The following CDHR5 variants were observed in gnomAD, a reference collection of about 807,000 sequenced individuals.
CDHR5 encodes cadherin-related family member 5.
In CDHR5, 82 loss-of-function variants were observed where a neutral mutation model predicts 69.5. That is an observed-to-expected ratio of 1.18 (90% CI 0.99 to 1.42). The LOEUF is 1.42. CDHR5 is among the 40% of genes most tolerant of loss of function. CDHR5 has a pLI of 0.00. For missense variants in CDHR5, 1,293 were observed against 1,168.9 expected, an observed-to-expected ratio of 1.11 and a Z score of -1.55; for synonymous variants, 601 against 510.2, an observed-to-expected ratio of 1.18 and a Z score of -2.40.
At chr11:618,295 C>T (rs967909426) in intron 13 of CDHR5, among the ~76,000 whole-genome samples, 184 bp from the exon 14 acceptor site, 1 of 152,230 alleles carries the variant, frequency 6.6e-6, no homozygotes, top group Non-Finnish European at 1.5e-5. Context: ...CCTGCCCACC[C>T]CCTCCCCCCC....
At position 618,763 on chromosome 11, in the gene CDHR5, C is replaced by G. The variant is rs576950750; in HGVS notation, c.1796G>C (p.Gly599Ala). Residue 599 changes from glycine (G) to alanine (A), a missense_variant, in exon 13 of 15, where the codon GGG (glycine) becomes GCG (alanine). Physicochemically the swap from Gly to Ala is moderately conservative, Grantham distance 60. Coordinates refer to ENST00000397542, the MANE Select transcript of CDHR5 (RefSeq NM_021924.5). ...TGCCTCTGGGGTCTGTGCTGTGCCC[C>G]CACCGGGTGTGGCTGGTTGGTGGGA... The part of the protein sequence containing the change: ...STSHQPATPG[G>A]GTAQTPEAGT... The G allele has an allele frequency of 1.2e-5, 19 of 1,604,346 alleles. 1 individual carries two copies.
rs749638785 is a variant in CDHR5 at position 617,583 on chromosome 11, C to CA, written c.2305_2306insT (p.Gly769ValfsTer50). 6.2e-7 allele frequency: 1 copy of CA among 1,610,822 alleles called. No individual in the cohort carries two copies. The highest frequency in any genetic ancestry group is 8.5e-7 in the Non-Finnish European group (1 of 1,178,932). On this transcript the variant is annotated frameshift_variant, in exon 15 of 15. Transcript: ENST00000397542. LOFTEE classifies it low-confidence loss of function (END_TRUNC). ...GATGGACCTCACCGCCGTGGGGCTT[C>CA]CGCCAGCTCGGGCCGCTGCGGGGGG...
In CDHR5 at chr11:619,714, A is replaced by G. The variant is rs750520925; in HGVS notation, c.1146T>C (p.Pro382=). Residue 382 remains proline (P), a synonymous_variant, in exon 10 of 15, where the codon CCT becomes CCC. Transcript: ENST00000397542. ...VVKDAAAPSQ[P]LRIQAQDPEF... is the part of the protein sequence containing the mutation. ...CCGGGTCCTGAGCCTGGATCCTCAG[A>G]GGCTGAGAAGGGGCAGCTGCATCCT... 6.2e-7 allele frequency: 1 copy of G among 1,613,038 alleles called. No homozygotes were observed. The highest frequency in any genetic ancestry group is 8.5e-7 in the Non-Finnish European group (1 of 1,179,958).
At position 618,807 on chromosome 11, in the gene CDHR5, G is replaced by C; in HGVS notation, c.1752C>G (p.Pro584=). Residue 584 remains proline, a synonymous_variant, in exon 13 of 15, where the codon CCC becomes CCG. Transcript: ENST00000397542. ...PEPGTSQPMP[P]SMGTSTSHQP... is the part of the protein sequence containing the mutation. ...GGTGGGAGGTGCTGGTTCCCATACT[G>C]GGGGGCATCGGCTGAGAGGTTCCTG... 2 of 1,609,828 alleles carry C rather than the reference G, an allele frequency of 1.2e-6. No homozygotes were observed. Among genetic ancestry groups the C allele is most frequent in the Non-Finnish European group, 1.7e-6 (2 of 1,179,170 alleles).
chr11:618,859 C>T lies in CDHR5; in HGVS notation c.1700G>A (p.Ser567Asn). Reference sequence around the variant, plus strand: ...CTCTGGGGTCTGTGCTGTGCCCCCACTGGGTGTGGCTGGTTGGTGGGAGGT... The same window carrying T: ...CTCTGGGGTCTGTGCTGTGCCCCCATTGGGTGTGGCTGGTTGGTGGGAGGT... ...TSTSHQPATP[S>N]GGTAQTPEPG... is the part of the protein sequence containing the mutation. The change falls in exon 13 of 15, where the codon AGT becomes AAT. Residue 567 changes from serine to asparagine, a missense_variant. Transcript: ENST00000397542. 1 of 1,608,628 alleles carries T rather than the reference C, an allele frequency of 6.2e-7. No homozygotes were observed. Among genetic ancestry groups the T allele is most frequent in the East Asian group, 2.2e-5 (1 of 44,534 alleles).
Position 617,109 on chromosome 11 carries a change from G to C in CDHR5, c.*242C>G. The C allele has an allele frequency of 1.8e-6, 1 of 541,632 alleles. No individual in the cohort carries two copies. The highest frequency in any genetic ancestry group is 3.3e-6 in the Non-Finnish European group (1 of 306,154). 33.6% of individuals were successfully genotyped at this position (541,632 alleles called of 1,614,324 possible). A position where few individuals can be genotyped will look rare whatever the true frequency, so the allele number is the denominator to read the frequency against. On this transcript the variant is annotated 3_prime_UTR_variant, in exon 15 of 15. Coordinates refer to ENST00000397542, the MANE Select transcript of CDHR5 (RefSeq NM_021924.5). Reference sequence around the variant, plus strand: ...GCGGCGGGCACTGCAGGTGGTTTACGGGAAGTGCTGCAGCCTTGGGGTGGG... The same window carrying C: ...GCGGCGGGCACTGCAGGTGGTTTACCGGAAGTGCTGCAGCCTTGGGGTGGG...
intron 3 of CDHR5, among the ~76,000 whole-genome samples, chr11:623,345 G>A (rs1013553245): frequency 4.6e-5 from 7 of 152,162 alleles, no homozygotes; most frequent in African/African-American, 1.7e-4. Flanking sequence ...CATATCCCAA[G>A]ATATGTGCAG....
chr11:617,667 G>T lies in CDHR5; in HGVS notation c.2222C>A (p.Ala741Glu). ...GGGTGCGGGCTCTGCGGGCATCGGT[G>T]CCTCCGCGGGCTTGGGGTCGTGCGT... ...SPTHDPKPAE[A>E]PMPAEPAPPG... The change falls in exon 15 of 15, where the codon GCA becomes GAA. Residue 741 changes from alanine (A) to glutamate (E), a missense_variant. Coordinates refer to ENST00000397542, the MANE Select transcript of CDHR5 (RefSeq NM_021924.5). 6.7e-7 allele frequency: 1 copy of T among 1,501,182 alleles called. No homozygotes were observed. Among genetic ancestry groups the T allele is most frequent in the African/African-American group, 1.4e-5 (1 of 71,606 alleles). 93.0% of individuals were successfully genotyped at this position (1,501,182 alleles called of 1,614,324 possible).
intron 3 of CDHR5, among the ~76,000 whole-genome samples, chr11:623,447 T>C (rs1019381999): frequency 6.6e-6 from 1 of 152,110 alleles, no homozygotes; most frequent in Admixed American, 6.5e-5. Flanking sequence ...GCAATTTTCC[T>C]TAATAAAGCC....
chr11:621,554 G>A lies in CDHR5; in HGVS notation c.507+8C>T. The A allele has an allele frequency of 1.2e-6, 2 of 1,607,990 alleles. No individual in the cohort carries two copies. The highest frequency in any genetic ancestry group is 8.5e-7 in the Non-Finnish European group (1 of 1,174,488). ...GGCTCGTGCTGGGGCAGGGTGGGCG[G>A]CACTGACTGCTGTCATTTCCTGGAG... On this transcript the variant is annotated splice_region_variant and intron_variant, in intron 5 of 14. Coordinates refer to ENST00000397542, the MANE Select transcript of CDHR5 (RefSeq NM_021924.5). The surrounding 1 kb of genome is among the most constrained non-coding windows in gnomAD (Gnocchi z 4.4).
chr11:620,983 A>ACCCCGT, intron 7 of CDHR5, 97 bp downstream of exon 7: 1 of 537,006 alleles, frequency 1.9e-6, no homozygotes. Context: ...CCACCCCCTG[A>ACCCCGT]CCCCGACCCC....
In CDHR5 at chr11:621,111, T is replaced by A. The variant is rs753002989; in HGVS notation, c.758A>T (p.Tyr253Phe). 5.1e-6 allele frequency: 8 copies of A among 1,572,844 alleles called. No individual in the cohort carries two copies. The East Asian group carries it at 1.8e-4, about 35-fold the overall frequency. Residue 253 changes from tyrosine (Y) to phenylalanine (F), a missense_variant, in exon 7 of 15, where the codon TAC (tyrosine) becomes TTC (phenylalanine). Coordinates refer to ENST00000397542, the MANE Select transcript of CDHR5 (RefSeq NM_021924.5). This position sits in a 1 kb window ranked among gnomAD's most constrained non-coding sequence, Gnocchi z 4.4. ...SDGYVCIQAQ[Y>F]HGAVPTGHIL... Reference sequence around the variant, plus strand: ...GTGCCCCGTGGGGACAGCCCCGTGGTACTGAGCTTGAATGCAGACGTAGCC... The same window carrying A: ...GTGCCCCGTGGGGACAGCCCCGTGGAACTGAGCTTGAATGCAGACGTAGCC...
At chr11:622,815 C>T (rs1007837304) in intron 3 of CDHR5, among the ~76,000 whole-genome samples, 7 of 152,028 alleles carry the variant, frequency 4.6e-5, no homozygotes, top group Non-Finnish European at 8.8e-5. Context: ...ATGTCGTTGT[C>T]ACACCTGGGA....
chr11:621,985 G>A lies in CDHR5; in HGVS notation c.313-81C>T, dbSNP rs1038493682. The A allele has an allele frequency of 1.7e-5, 18 of 1,081,836 alleles. No individual in the cohort carries two copies. Among genetic ancestry groups the A allele is most frequent in the East Asian group, 1.0e-4 (4 of 40,090 alleles). 67.0% of individuals were successfully genotyped at this position (1,081,836 alleles called of 1,614,324 possible). A position where few individuals can be genotyped will look rare whatever the true frequency, so the allele number is the denominator to read the frequency against. On this transcript the variant is annotated intron_variant, in intron 3 of 14. Coordinates refer to ENST00000397542, the MANE Select transcript of CDHR5 (RefSeq NM_021924.5). This position sits in a 1 kb window ranked among gnomAD's most constrained non-coding sequence, Gnocchi z 4.4. ...CCCTCGACGGCTATCCGTCCCCACC[G>A]TGAGTGAGGTGCACCCCTCAACGGC...
At chr11:618,325 A>T (rs1406790845) in intron 13 of CDHR5, among the ~76,000 whole-genome samples, 1 of 152,100 alleles carries the variant, frequency 6.6e-6, no homozygotes, top group Non-Finnish European at 1.5e-5. Context: ...AGCTGCTCAC[A>T]GGAGCTCACA....
At position 620,059 on chromosome 11, in the gene CDHR5, C is replaced by T; in HGVS notation, c.978+8G>A. 1 of 1,599,972 alleles carries T rather than the reference C, an allele frequency of 6.3e-7. No homozygotes were observed. On this transcript the variant is annotated splice_region_variant and intron_variant, in intron 9 of 14. Coordinates refer to ENST00000397542, the MANE Select transcript of CDHR5 (RefSeq NM_021924.5). ...CTGCCCTGCCCCCCATGCAGGTGCC[C>T]ACCTCACCTTCACCAGCAGAAGGAA...
chr11:617,952 A>G lies in CDHR5; in HGVS notation c.2118+2T>C. 1 of 1,608,810 alleles carries G rather than the reference A, an allele frequency of 6.2e-7. No individual in the cohort carries two copies. The highest frequency in any genetic ancestry group is 8.5e-7 in the Non-Finnish European group (1 of 1,178,942). ...TGCCCTGTTCTCCATCCTGGGCCTC[A>G]CCGGAGCTTTGCCACAGCAGCACTT... On this transcript the variant is annotated splice_donor_variant, in intron 14 of 14. Transcript: ENST00000397542. LOFTEE classifies it high-confidence loss of function.
At chr11:618,142 C>T in intron 13 of CDHR5, 31 bp from the exon 14 acceptor site, 1 of 1,580,662 alleles carries the variant, frequency 6.3e-7, no homozygotes, top group South Asian at 1.1e-5. Context: ...GTCATCATCC[C>T]CGCACTGTTG....
rs370871545 is a variant in CDHR5, at chr11:618,119, C to T, written c.1961-8G>A. 458 of 1,603,772 alleles carry T rather than the reference C, an allele frequency of 2.9e-4. 2 individuals are homozygous for T. The highest frequency in any genetic ancestry group is 1.5e-3 in the South Asian group (137 of 90,158). Reference sequence around the variant, plus strand: ...CCTCCGAGGGGCCGCCACCTGGCATCGCAGTGGAAAACGTCATCATCCCCG... The same window carrying T: ...CCTCCGAGGGGCCGCCACCTGGCATTGCAGTGGAAAACGTCATCATCCCCG... On this transcript the variant is annotated splice_polypyrimidine_tract_variant and splice_region_variant and intron_variant, in intron 13 of 14. Transcript: ENST00000397542.
Sources: gnomAD v4.1 joint callset for allele counts (sites outside exome capture counted in the v4.1 genomes callset) on GRCh38, gnomAD v4.1.1 for gene constraint, Gnocchi (gnomAD v3.1) non-coding constraint, MANE v1.5 for transcripts, NCBI Gene and HGNC (gene_info 2026-07-23, HGNC 2026-07-21) for gene names.